FHIP2A: variants seen among roughly 807,000 people sequenced by gnomAD.
FHIP2A encodes the protein FHF complex subunit HOOK interacting protein 2A.
Under a neutral mutation model 93.5 loss-of-function variants are expected in FHIP2A, and 46 were observed. The ratio of observed to expected loss-of-function variants is 0.49; its 90% CI spans 0.39 to 0.63. The LOEUF (loss-of-function observed/expected upper bound fraction) is 0.63. Ranked by LOEUF, FHIP2A falls within the 20% of genes least tolerant of loss-of-function variation. The pLI, the probability that FHIP2A is intolerant of heterozygous loss-of-function variation, is 0.00. For synonymous variants in FHIP2A, 332 were observed against 326.5 expected (o/e 1.02, Z -0.18); for missense variants, 769 against 909.7 (o/e 0.85, Z 1.99).
rs914087837 is a variant in FHIP2A at position 114,847,365 on chromosome 10, T to C, written c.1712+132T>C. ...GTGCAGTGGCACGATCTCTGCTCAC[T>C]GCAACCTCCGCCTCCTGGGTTTAAG... On this transcript the variant is annotated intron_variant, in intron 12 of 16. Transcript: ENST00000369248. 19 of 703,436 alleles carry C rather than the reference T, an allele frequency of 2.7e-5. No individual in the cohort carries two copies. In the African/African-American group the frequency reaches 3.3e-4, roughly 12 times the overall value. 43.6% of individuals were successfully genotyped at this position (703,436 alleles called of 1,614,324 possible).
intron 3 of FHIP2A, among the ~76,000 whole-genome samples, chr10:114,833,833 A>C (rs1416569137): frequency 6.6e-6 from 1 of 152,210 alleles, no homozygotes; most frequent in East Asian, 1.9e-4. Context: ...AATTTTGAAA[A>C]ATCTTTACAA....
chr10:114,877,873 G>C (rs932109977), intron 16 of FHIP2A, among the ~76,000 whole-genome samples: 1 of 113,208 alleles, frequency 8.8e-6, no homozygotes, highest in Non-Finnish European at 2.0e-5. Flanking sequence ...ACCCGTGTGT[G>C]AATTATTTTT....
At chr10:114,891,086 G>A (rs559368525) in intron 16 of FHIP2A, among the ~76,000 whole-genome samples, 5 of 151,602 alleles carry the variant, frequency 3.3e-5, no homozygotes, top group African/African-American at 7.3e-5. Flanking sequence ...CCCAGCTACT[G>A]GGGAGGCTGA....
At chr10:114,836,963 G>A (rs774476007) in intron 5 of FHIP2A, among the ~76,000 whole-genome samples, 11 of 152,038 alleles carry the variant, frequency 7.2e-5, no homozygotes, top group African/African-American at 1.7e-4. Context: ...GTATGGGGGC[G>A]TGACCATTGG....
At chr10:114,867,941 A>ATT (rs3981290), downstream of FHIP2A, among the ~76,000 whole-genome samples, 148 of 141,046 alleles carry the variant, frequency 1.0e-3, 1 homozygote, top group African/African-American at 2.1e-3. Context: ...GTGCTTTATA[A>ATT]TTTTTTTTTT....
At chr10:114,860,087 A>G (rs770597992) in intron 14 of FHIP2A, among the ~76,000 whole-genome samples, 6 of 152,196 alleles carry the variant, frequency 3.9e-5, no homozygotes, top group African/African-American at 1.4e-4. Context: ...TCTTATGCTC[A>G]ATGGGTCCTC....
In FHIP2A at chr10:114,855,183, T is replaced by C. The variant is rs149628130; in HGVS notation, c.1804-14T>C. 2,042 of 1,593,252 alleles carry C rather than the reference T, an allele frequency of 1.3e-3. 16 individuals carry two copies. In the African/African-American group the frequency reaches 0.024, roughly 19 times the overall value. Reference sequence around the variant, plus strand: ...TTTTGTTCTTTAATGATTCACATGCTTTTTTCCCCCTAGTTCCGAGACTAC... The same window carrying C: ...TTTTGTTCTTTAATGATTCACATGCCTTTTTCCCCCTAGTTCCGAGACTAC... On this transcript the variant is annotated splice_polypyrimidine_tract_variant and intron_variant, in intron 13 of 16. Coordinates refer to ENST00000369248, the MANE Select transcript of FHIP2A (RefSeq NM_020940.4).
chr10:114,861,565 G>T lies in FHIP2A; in HGVS notation c.*25G>T. The T allele has an allele frequency of 6.2e-7, 1 of 1,609,812 alleles. No individual in the cohort carries two copies. Among genetic ancestry groups the T allele is most frequent in the South Asian group, 1.1e-5 (1 of 90,520 alleles). On this transcript the variant is annotated 3_prime_UTR_variant, in exon 17 of 17. Transcript: ENST00000369248. ...AATAACATCTTTCATGTAACTGGGG[G>T]AACAGAACTACTGTGTACATTTCAC...
intron 13 of FHIP2A, among the ~76,000 whole-genome samples, chr10:114,850,902 TTTTG>T (rs935659818): frequency 3.9e-5 from 6 of 152,140 alleles, no homozygotes; most frequent in African/African-American, 7.2e-5. Flanking sequence ...AATTTTGTTT[TTTTG>T]TTTGTTTGTT....
intron 1 of FHIP2A, among the ~76,000 whole-genome samples, chr10:114,826,555 G>A (rs116931418): frequency 1.3e-5 from 2 of 152,348 alleles, no homozygotes; most frequent in East Asian, 3.9e-4. Context: ...TTTAGCCAGT[G>A]AACTCTATAG....
In FHIP2A at chr10:114,846,745, C is replaced by T; in HGVS notation, c.1568+17C>T. ...AGGAGCAGTGTAAGTTTCCATCCAA[C>T]TCCGTGAGTTCAGCATTTCATGTAG... On this transcript the variant is annotated intron_variant, in intron 11 of 16. Coordinates refer to ENST00000369248, the MANE Select transcript of FHIP2A (RefSeq NM_020940.4). 6.4e-7 allele frequency: 1 copy of T among 1,572,580 alleles called. No homozygotes were observed. The highest frequency in any genetic ancestry group is 8.6e-7 in the Non-Finnish European group (1 of 1,164,032).
intron 11 of FHIP2A, 96 bp downstream of exon 11, chr10:114,846,824 C>T: frequency 8.6e-7 from 1 of 1,165,606 alleles, no homozygotes; most frequent in Non-Finnish European, 1.2e-6. Context: ...AAAAGAAATA[C>T]CTCTTACAGT....
downstream of FHIP2A, among the ~76,000 whole-genome samples, chr10:114,869,487 CCAT>C (rs2083846532): frequency 6.6e-6 from 1 of 152,062 alleles, no homozygotes; most frequent in South Asian, 2.1e-4. Context: ...AGAAAATAGA[CCAT>C]CATTTTCTTA....
At position 114,855,283 on chromosome 10, in the gene FHIP2A, C is replaced by T. The variant is rs766839809; in HGVS notation, c.1890C>T (p.Phe630=). ...ALEKCNLEAA[F]FEGHFLKVLF... ...AAAAGTGCAATTTAGAAGCTGCTTT[C>T]TTTGAAGGTCATTTTTTGAAAGTGC... Residue 630 remains phenylalanine (F), a synonymous_variant, in exon 14 of 17, where the codon TTC becomes TTT. Transcript: ENST00000369248. 1.2e-6 allele frequency: 2 copies of T among 1,613,932 alleles called. No homozygotes were observed. Among genetic ancestry groups the T allele is most frequent in the Non-Finnish European group, 1.7e-6 (2 of 1,179,878 alleles).
intron 16 of FHIP2A, among the ~76,000 whole-genome samples, chr10:114,878,211 T>A (rs1456410483): frequency 2.6e-5 from 4 of 152,258 alleles, no homozygotes; most frequent in East Asian, 1.9e-4. Context: ...TTAGAAAAAA[T>A]TTTAGAAGCA....
chr10:114,869,953 A>C (rs550136210), intron 16 of FHIP2A, among the ~76,000 whole-genome samples: 1 of 152,214 alleles, frequency 6.6e-6, no homozygotes, highest in Non-Finnish European at 1.5e-5. Context: ...CTTGCGAAGT[A>C]GTGTTGCTCA....
Position 114,870,847 on chromosome 10 carries a change from C to T in FHIP2A, c.2192+9513C>T, listed in dbSNP as rs114706297. On this transcript the variant is annotated intron_variant, in intron 16 of 16. Coordinates refer to the FHIP2A transcript ENST00000369250. Reference sequence around the variant, plus strand: ...ACTGCTTTGTGTTGCTAGGCTAGGACGCTACAAACTACATTTCTCCTTTGC... The same window carrying T: ...ACTGCTTTGTGTTGCTAGGCTAGGATGCTACAAACTACATTTCTCCTTTGC... Among the ~76,000 whole-genome samples the T allele has an allele frequency of 5.6e-3, 849 of 152,108 alleles. 9 individuals are homozygous for T. Among genetic ancestry groups the T allele is most frequent in the African/African-American group, 0.02 (825 of 41,460 alleles).
At position 114,861,031 on chromosome 10, in the gene FHIP2A, A is replaced by G. The variant is rs7072029; in HGVS notation, c.2088+142A>G. On this transcript the variant is annotated intron_variant, in intron 15 of 16. Transcript: ENST00000369248. ...TAATTATTATACATTCTGAACTACTATTTTTTCAATTATTTTAAATAATAT... is the reference window on the plus strand; with the variant it reads ...TAATTATTATACATTCTGAACTACTGTTTTTTCAATTATTTTAAATAATAT... 1,322 of 1,031,642 alleles carry G rather than the reference A, an allele frequency of 1.3e-3. 15 individuals are homozygous for G. The African/African-American group carries it at 0.02, about 16-fold the overall frequency. The allele number at this position is 1,031,642 out of a possible 1,614,324, so 63.9% of individuals were successfully genotyped here.
At chr10:114,871,092 T>C (rs1327556456) in intron 16 of FHIP2A, among the ~76,000 whole-genome samples, 1 of 148,654 alleles carries the variant, frequency 6.7e-6, no homozygotes, top group East Asian at 1.9e-4. Flanking sequence ...TATATGTTTT[T>C]AAATATGTAA....
Sources: gnomAD v4.1 joint callset for allele counts (sites outside exome capture counted in the v4.1 genomes callset) on GRCh38, gnomAD v4.1.1 for gene constraint, MANE v1.5 for transcripts, NCBI Gene and HGNC (gene_info 2026-07-23, HGNC 2026-07-21) for gene names.